DENND5A: variants seen among roughly 807,000 people sequenced by gnomAD.
The protein encoded by DENND5A is DENN domain-containing protein 5A.
A neutral mutation model predicts 140.3 loss-of-function variants in DENND5A; 64 were observed. The observed-to-expected ratio is 0.46, with a 90% CI of 0.37 to 0.56. The LOEUF (loss-of-function observed/expected upper bound fraction) is 0.56. Among genes scored for constraint, DENND5A ranks in the 20% least tolerant of loss-of-function variants. The pLI is 0.00. For missense variants in DENND5A, 1,292 were observed against 1,593.8 expected (o/e 0.81, Z 3.22); for synonymous variants, 605 against 607.7 (o/e 1.00, Z 0.07).
intron 1 of DENND5A, among the ~76,000 whole-genome samples, chr11:9,219,616 G>A (rs1317495856): frequency 6.6e-6 from 1 of 152,178 alleles, no homozygotes; most frequent in African/African-American, 2.4e-5. Context: ...GCCATCACGA[G>A]AAAGTGACAG....
At position 9,153,195 on chromosome 11, in the gene DENND5A, C is replaced by G. The variant is rs554694679; in HGVS notation, c.2437-753G>C. Among the ~76,000 whole-genome samples the G allele has an allele frequency of 1.7e-4, 26 of 149,702 alleles. 1 individual carries two copies. In the South Asian group the frequency reaches 5.6e-3, roughly 32 times the overall value. ...AGCCGGGAGTGGTGGCACACGCCTG[C>G]TGTCCCAGCTACTCGGGAGGCTGAG... On this transcript the variant is annotated intron_variant, in intron 12 of 22. Coordinates refer to ENST00000328194, the MANE Select transcript of DENND5A (RefSeq NM_015213.4).
chr11:9,196,083 G>T (rs1024800265), intron 4 of DENND5A, among the ~76,000 whole-genome samples: 7 of 152,146 alleles, frequency 4.6e-5, no homozygotes, highest in Admixed American at 6.5e-5. Context: ...CTCCCCAGTA[G>T]CTGGGATTAT....
Position 9,244,414 on chromosome 11 carries a change from A to G in DENND5A, c.109+20547T>C, listed in dbSNP as rs182233115. On this transcript the variant is annotated intron_variant, in intron 1 of 22. Transcript: ENST00000328194. ...GACGGAGTTTCGCTCTTGTTGCCCAAGCTGGAGTGCAATGGTGTGATCTCA... is the reference window on the plus strand; with the variant it reads ...GACGGAGTTTCGCTCTTGTTGCCCAGGCTGGAGTGCAATGGTGTGATCTCA... Among the ~76,000 whole-genome samples the G allele has an allele frequency of 4.3e-3, 653 of 152,070 alleles. 6 individuals carry two copies. The highest frequency in any genetic ancestry group is 0.014 in the African/African-American group (598 of 41,488).
At chr11:9,262,014 AACTTTCACAAGGATATAATTTT>A (rs1161823807) in intron 1 of DENND5A, among the ~76,000 whole-genome samples, 1 of 152,152 alleles carries the variant, frequency 6.6e-6, no homozygotes, top group Non-Finnish European at 1.5e-5. Context: ...TATCCCAATA[AACTTTCACAAGGATATAATTTT>A]AGCTTGCCAA....
chr11:9,260,385 C>T (rs1199659373), intron 1 of DENND5A, among the ~76,000 whole-genome samples: 1 of 152,052 alleles, frequency 6.6e-6, no homozygotes, highest in Non-Finnish European at 1.5e-5. Context: ...CTAGTGGTGA[C>T]CATCAGAAAC....
Position 9,145,700 on chromosome 11 carries a change from A to T in DENND5A, c.2973T>A (p.Ile991=). 1.9e-6 allele frequency: 3 copies of T among 1,614,232 alleles called. No homozygotes were observed. The highest frequency in any genetic ancestry group is 1.7e-6 in the Non-Finnish European group (2 of 1,180,040). The change falls in exon 17 of 23, where the codon ATT becomes ATA. Residue 991 remains isoleucine, a synonymous_variant. Transcript: ENST00000328194. ...AGGTCATCTCTAGCACATTCCTGGG[A>T]ATCTGCATGATCTGTGTCTCACCCA... ...GELGETQIMQ[I]PRNVLEMTFE... is the part of the protein sequence containing the mutation.
At chr11:9,179,948 A>T (rs941668922) in intron 6 of DENND5A, among the ~76,000 whole-genome samples, 2 of 152,228 alleles carry the variant, frequency 1.3e-5, no homozygotes, top group African/African-American at 4.8e-5. Context: ...GCCCAACAAG[A>T]TTATTACATT....
chr11:9,264,253 A>G (rs1590357324), intron 1 of DENND5A, among the ~76,000 whole-genome samples: 1 of 152,102 alleles, frequency 6.6e-6, no homozygotes, highest in Non-Finnish European at 1.5e-5. Context: ...ATGACTTGAA[A>G]CGCATCAGAA....
In DENND5A at chr11:9,241,159, A is replaced by T. The variant is rs183035110; in HGVS notation, c.109+23802T>A. On this transcript the variant is annotated intron_variant, in intron 1 of 22. Coordinates refer to ENST00000328194, the MANE Select transcript of DENND5A (RefSeq NM_015213.4). ...CCAGAACTGAAAGACTCTAAAGCCA[A>T]AGCTCTACAGTTATTCGGGTACTGA... Among the ~76,000 whole-genome samples the T allele has an allele frequency of 6.8e-4, 104 of 152,302 alleles. 1 individual carries two copies. Among genetic ancestry groups the T allele is most frequent in the Non-Finnish European group, 1.2e-3 (82 of 68,042 alleles).
intron 1 of DENND5A, among the ~76,000 whole-genome samples, chr11:9,233,304 CAGG>C (rs1402600376): frequency 2.7e-5 from 4 of 149,454 alleles, no homozygotes; most frequent in Non-Finnish European, 4.4e-5. Context: ...GAGGCTGAGG[CAGG>C]AGAATTGTTT....
At chr11:9,243,087 C>CAAAAAAAAAAAAA (rs539119487) in intron 1 of DENND5A, among the ~76,000 whole-genome samples, 2 of 66,890 alleles carry the variant, frequency 3.0e-5, no homozygotes, top group African/African-American at 6.2e-5. Flanking sequence ...GACTCTGTCT[C>CAAAAAAAAAAAAA]AAAAAAAAAA....
intron 1 of DENND5A, among the ~76,000 whole-genome samples, chr11:9,256,839 T>C (rs573253538): frequency 2.0e-5 from 3 of 152,274 alleles, no homozygotes; most frequent in Admixed American, 6.6e-5. Flanking sequence ...GTAAAACTAA[T>C]TGTAAAAATA....
chr11:9,244,093 G>A (rs940831441), intron 1 of DENND5A, among the ~76,000 whole-genome samples: 2 of 152,174 alleles, frequency 1.3e-5, no homozygotes, highest in Non-Finnish European at 2.9e-5. Flanking sequence ...CTGCTACACA[G>A]AGAATTAGTG....
chr11:9,193,611 G>C lies in DENND5A; in HGVS notation c.1020C>G (p.Val340=), dbSNP rs769520572. The change falls in exon 5 of 23, where the codon GTC becomes GTG. Residue 340 remains valine (V), a synonymous_variant. Coordinates refer to ENST00000328194, the MANE Select transcript of DENND5A (RefSeq NM_015213.4). ...ALMFPFQWQH[V]YVPILPASLL... is the part of the protein sequence containing the mutation. ...GAGAAGCTGGGAGAATAGGGACATA[G>C]ACATGCTGCCACTGGAAAGGAAACA... 80 of 1,613,940 alleles carry C rather than the reference G, an allele frequency of 5.0e-5. No homozygotes were observed. In the South Asian group the frequency reaches 8.1e-4, roughly 16 times the overall value.
chr11:9,170,500 C>T, intron 9 of DENND5A, 127 bp downstream of exon 9: 1 of 1,219,170 alleles, frequency 8.2e-7, no homozygotes, highest in Non-Finnish European at 1.2e-6. Context: ...CCTAGATAGT[C>T]TGGGTCTTCT....
intron 1 of DENND5A, among the ~76,000 whole-genome samples, chr11:9,238,814 C>G (rs1381596236): frequency 6.7e-6 from 1 of 149,796 alleles, no homozygotes; most frequent in Non-Finnish European, 1.5e-5. Context: ...TTTCCACATC[C>G]TTCTATAATT....
chr11:9,168,092 AT>A (rs11285106), intron 10 of DENND5A, among the ~76,000 whole-genome samples: 25,012 of 141,660 alleles, frequency 0.18, 2,382 homozygotes, highest in East Asian at 0.41. Context: ...AACCTCAGTG[AT>A]TTTTTTTTTT....
chr11:9,255,312 C>T (rs889278369), intron 1 of DENND5A, among the ~76,000 whole-genome samples: 8 of 151,978 alleles, frequency 5.3e-5, no homozygotes, highest in Admixed American at 1.3e-4. Flanking sequence ...TAAACACGGC[C>T]GGGCGCGGTG....
At chr11:9,207,686 T>C in intron 1 of DENND5A, 54 bp from the exon 2 acceptor site, 2 of 1,269,794 alleles carry the variant, frequency 1.6e-6, no homozygotes, top group Non-Finnish European at 2.3e-6. Flanking sequence ...TTATTCAAAC[T>C]TTTTTGACCA....
Sources: gnomAD v4.1 joint callset for allele counts (sites outside exome capture counted in the v4.1 genomes callset) on GRCh38, gnomAD v4.1.1 for gene constraint, MANE v1.5 for transcripts, NCBI Gene and HGNC (gene_info 2026-07-23, HGNC 2026-07-21) for gene names.